The following SCN11A variants were observed in gnomAD, a reference collection of about 807,000 sequenced individuals.
The protein encoded by SCN11A is sodium voltage-gated channel alpha subunit 11, also known as sodium channel protein type 11 subunit alpha.
A neutral mutation model predicts 162.2 loss-of-function variants in SCN11A; 122 were observed. The ratio of observed to expected loss-of-function variants is 0.75; its 90% CI spans 0.65 to 0.87. SCN11A has a LOEUF of 0.87. Among genes scored for constraint, SCN11A ranks in the 40% least tolerant of loss-of-function variants. The pLI is 0.00. For missense variants in SCN11A, 2,015 were observed against 2,181.6 expected (o/e 0.92, Z 1.52); for synonymous variants, 758 against 751.5 (o/e 1.01, Z -0.14).
chr3:38,971,528 A>G (rs890352409), intron 2 of SCN11A, among the ~76,000 whole-genome samples: 2 of 152,148 alleles, frequency 1.3e-5, no homozygotes, highest in Non-Finnish European at 2.9e-5. Flanking sequence ...TCCCACAGCC[A>G]TATCTGTGCT....
intron 9 of SCN11A, 95 bp downstream of exon 9, chr3:38,925,320 G>T: frequency 1.3e-6 from 1 of 796,534 alleles, no homozygotes; most frequent in Non-Finnish European, 2.0e-6. Context: ...GGCTTTGTTT[G>T]TTTTTGGTTT....
Position 38,908,121 on chromosome 3 carries a change from G to A in SCN11A, c.1301C>T (p.Ala434Val), listed in dbSNP as rs1303972733. 1.2e-6 allele frequency: 2 copies of A among 1,609,310 alleles called. No individual in the cohort carries two copies. The highest frequency in any genetic ancestry group is 3.4e-5 in the Admixed American group (2 of 58,824). ...AQQLLKEEKE[A>V]LVAMGIDRSS... Reference sequence around the variant, plus strand: ...TCTGTCAATTCCCATGGCAACCAGAGCCTTCAAATTGAACAAAAGCAATTA... The same window carrying A: ...TCTGTCAATTCCCATGGCAACCAGAACCTTCAAATTGAACAAAAGCAATTA... Residue 434 changes from alanine (A) to valine (V), a missense_variant and splice_region_variant, in exon 14 of 30, where the codon GCT (alanine) becomes GTT (valine). Transcript: ENST00000302328.
At chr3:38,897,291 T>C (rs1444809911) in intron 17 of SCN11A, 66 bp from the exon 18 acceptor site, 3 of 1,491,910 alleles carry the variant, frequency 2.0e-6, no homozygotes, top group Middle Eastern at 1.8e-4. Flanking sequence ...CATCTGCTCA[T>C]CTATAAAGCA....
intron 15 of SCN11A, among the ~76,000 whole-genome samples, chr3:38,904,666 C>T (rs2065764570): frequency 6.6e-6 from 1 of 152,086 alleles, no homozygotes; most frequent in Non-Finnish European, 1.5e-5. Flanking sequence ...ATTTGACCCC[C>T]CTTGCAGGGA....
intron 2 of SCN11A, among the ~76,000 whole-genome samples, chr3:38,976,819 A>G (rs1231498905): frequency 1.3e-5 from 2 of 152,148 alleles, no homozygotes; most frequent in Admixed American, 6.5e-5. Context: ...CCAGCAATTC[A>G]GCTTTCTCCC....
At chr3:38,920,903 G>A (rs2066039004) in intron 10 of SCN11A, among the ~76,000 whole-genome samples, 173 bp downstream of exon 10, 2 of 152,128 alleles carry the variant, frequency 1.3e-5, no homozygotes, top group Admixed American at 1.3e-4. Flanking sequence ...GGAAGCCAAA[G>A]AATGAGGCAA....
At chr3:38,975,385 G>T (rs2066844161) in intron 2 of SCN11A, among the ~76,000 whole-genome samples, 1 of 152,146 alleles carries the variant, frequency 6.6e-6, no homozygotes, top group African/African-American at 2.4e-5. Context: ...ATGTCTAATA[G>T]AATAATGTCT....
At chr3:38,873,766 T>A (rs886274415) in intron 23 of SCN11A, among the ~76,000 whole-genome samples, 1 of 152,220 alleles carries the variant, frequency 6.6e-6, no homozygotes, top group African/African-American at 2.4e-5. Context: ...CCCACCATAC[T>A]GTACTCTTCA....
chr3:39,022,199 T>A (rs531540572), intron 2 of SCN11A, among the ~76,000 whole-genome samples: 11 of 152,228 alleles, frequency 7.2e-5, no homozygotes, highest in Non-Finnish European at 1.6e-4. Context: ...CTGACATTGC[T>A]ATGTTTTGTC....
At chr3:38,854,920 A>G (rs2064842532) in intron 28 of SCN11A, among the ~76,000 whole-genome samples, 1 of 152,184 alleles carries the variant, frequency 6.6e-6, no homozygotes, top group African/African-American at 2.4e-5. Flanking sequence ...CAGCCAAATA[A>G]AAGGAGGGGC....
intron 2 of SCN11A, among the ~76,000 whole-genome samples, chr3:38,986,346 G>C (rs1369328042): frequency 6.6e-6 from 1 of 152,084 alleles, no homozygotes; most frequent in African/African-American, 2.4e-5. Flanking sequence ...ATCAGTTTCA[G>C]AGAGATACAA....
chr3:38,954,647 C>CAAACAAAA (rs961353726), intron 3 of SCN11A, among the ~76,000 whole-genome samples: 1 of 151,642 alleles, frequency 6.6e-6, no homozygotes, highest in Admixed American at 6.6e-5. Flanking sequence ...AACAAACAAA[C>CAAACAAAA]AAACAAAAAA....
intron 1 of SCN11A, among the ~76,000 whole-genome samples, chr3:39,034,716 ACT>A (rs1178764185): frequency 6.6e-6 from 1 of 152,196 alleles, no homozygotes; most frequent in Non-Finnish European, 1.5e-5. Context: ...AAACTTAAAG[ACT>A]CTATCAAAAA....
At chr3:39,051,318 T>C (rs1400270190) in intron 1 of SCN11A, among the ~76,000 whole-genome samples, 2 of 151,964 alleles carry the variant, frequency 1.3e-5, no homozygotes, top group Non-Finnish European at 1.5e-5. Context: ...GTTGTCCCCC[T>C]CTTTTGTGTC....
At chr3:39,037,337 G>C (rs992567285) in intron 1 of SCN11A, among the ~76,000 whole-genome samples, 6 of 152,202 alleles carry the variant, frequency 3.9e-5, no homozygotes, top group Non-Finnish European at 8.8e-5. Context: ...AAGGGTAGTG[G>C]TGGGGGTCAG....
At position 38,950,250 on chromosome 3, in the gene SCN11A, T is replaced by C; in HGVS notation, c.113A>G (p.Lys38Arg). The C allele has an allele frequency of 1.2e-6, 2 of 1,614,030 alleles. No homozygotes were observed. The highest frequency in any genetic ancestry group is 1.7e-6 in the Non-Finnish European group (2 of 1,179,984). ...TTCTCCTGTCTGGTCTTTAGACTTCTTTTTCTCCTTTTGGATGGCAATCCG... is the reference window on the plus strand; with the variant it reads ...TTCTCCTGTCTGGTCTTTAGACTTCCTTTTCTCCTTTTGGATGGCAATCCG... ...EKRIAIQKEK[K>R]KSKDQTGEVP... Residue 38 changes from lysine to arginine, a missense_variant, in exon 5 of 30, where the codon AAG becomes AGG. By Grantham distance (26) the Lys-to-Arg change is conservative. Transcript: ENST00000302328.
At chr3:38,996,014 C>T (rs114826976) in intron 2 of SCN11A, among the ~76,000 whole-genome samples, 2,136 of 152,212 alleles carry the variant, frequency 0.014, 17 homozygotes, top group Non-Finnish European at 0.018. Context: ...AGAGCATGAG[C>T]GCGCGCTCTC....
At chr3:39,038,335 G>A (rs949644676) in intron 1 of SCN11A, among the ~76,000 whole-genome samples, 2 of 152,174 alleles carry the variant, frequency 1.3e-5, no homozygotes, top group Non-Finnish European at 2.9e-5. Context: ...ATAGAAGTGA[G>A]TAACTATCCT....
At chr3:39,014,978 A>G (rs1244959681) in intron 2 of SCN11A, among the ~76,000 whole-genome samples, 1 of 152,214 alleles carries the variant, frequency 6.6e-6, no homozygotes, top group Non-Finnish European at 1.5e-5. Context: ...GGTGTGGGAA[A>G]GTCCATGCTG....
Sources: allele counts gnomAD v4.1 joint callset (sites outside exome capture counted in the v4.1 genomes callset), GRCh38; gene constraint gnomAD v4.1.1; transcripts MANE v1.5; gene names NCBI Gene and HGNC (gene_info 2026-07-23, HGNC 2026-07-21).